ZNF236: variants seen among roughly 807,000 people sequenced by gnomAD.
The protein encoded by ZNF236 is zinc finger protein 236.
In ZNF236, 50 loss-of-function variants were observed where a neutral mutation model predicts 191.2. The ratio of observed to expected loss-of-function variants is 0.26; its 90% confidence interval spans 0.21 to 0.33. The LOEUF (loss-of-function observed/expected upper bound fraction) is 0.33. Among genes scored for constraint, ZNF236 ranks in the 10% least tolerant of loss-of-function variants. The pLI is 1.00. For missense variants in ZNF236, 1,754 were observed against 2,374.5 expected (o/e 0.74, Z 5.43); for synonymous variants, 907 against 928.8 (o/e 0.98, Z 0.43).
At chr18:76,928,154 A>C (rs780624140) in intron 25 of ZNF236, 48 bp downstream of exon 25, 2 of 1,461,450 alleles carry the variant, frequency 1.4e-6, no homozygotes, top group Admixed American at 2.1e-5. Context: ...CAATTTAAGT[A>C]CTGTATATCT....
rs536021175 is a variant in ZNF236, at chr18:76,874,009, C to T, written c.668-1483C>T. ...AGTGCTGTGACTGGGCCACACTCAC[C>T]GTGCCTCCTGCCTGCCTGTCCTCCT... is the stretch of plus-strand genomic sequence containing the variant. On this transcript the variant is annotated intron_variant, in intron 5 of 30. Coordinates refer to ENST00000320610, the MANE Select transcript of ZNF236 (RefSeq NM_001306089.2). 9.0e-4 allele frequency among the ~76,000 whole-genome samples: 133 copies of T among 148,360 alleles called. 1 individual carries two copies. In the Middle Eastern group the frequency reaches 0.011, roughly 12 times the overall value.
rs531095111 is a variant in ZNF236 at position 76,970,858 on chromosome 18, G to A, written c.*2519G>A. Reference sequence around the variant, plus strand: ...CTTTACCTCTGTGAAGTTCAGAGGCGTTTACCCCTGCAGTGTCCACTGGAA... The same window carrying A: ...CTTTACCTCTGTGAAGTTCAGAGGCATTTACCCCTGCAGTGTCCACTGGAA... On this transcript the variant is annotated 3_prime_UTR_variant, in exon 31 of 31. Transcript: ENST00000320610. 2 of 152,242 alleles carry A rather than the reference G, an allele frequency of 1.3e-5. No individual in the cohort carries two copies. The highest frequency in any genetic ancestry group is 1.9e-4 in the East Asian group (1 of 5,204). The allele number at this position is 152,242 out of a possible 1,614,324, so 9.4% of individuals were successfully genotyped here.
At chr18:76,828,210 A>T (rs1050157127) in intron 1 of ZNF236, among the ~76,000 whole-genome samples, 1 of 150,038 alleles carries the variant, frequency 6.7e-6, no homozygotes, top group Admixed American at 6.7e-5. Context: ...TCTCTCACCC[A>T]GGCTGGAGTG....
In ZNF236 at chr18:76,875,628, G is replaced by A. The variant is rs768355909; in HGVS notation, c.804G>A (p.Gly268=). 1.9e-6 allele frequency: 3 copies of A among 1,599,634 alleles called. No homozygotes were observed. The East Asian group carries it at 6.8e-5, about 36-fold the overall frequency. Residue 268 remains glycine, a synonymous_variant, in exon 6 of 31, where the codon GGG becomes GGA. Transcript: ENST00000320610. The surrounding 1 kb of genome is among the most constrained non-coding windows in gnomAD (Gnocchi z 4.3). ...GTCCTGCCGCCTTCTCTCAGAAAGG[G>A]AATCTTCAGTCGCACGTGCAGCGAG... The part of the protein sequence containing the change: ...AFCPAAFSQK[G]NLQSHVQRVH...
rs1968858091 is a variant in ZNF236 at position 76,969,158 on chromosome 18, C to T, written c.*819C>T. ...TCTGCAAGGAGCAAGCAACGGTGGC[C>T]CTGTCCACCCCAGCAAATAAGAAGC... On this transcript the variant is annotated 3_prime_UTR_variant, in exon 31 of 31. Coordinates refer to ENST00000320610, the MANE Select transcript of ZNF236 (RefSeq NM_001306089.2). 1 of 184,672 alleles carries T rather than the reference C, an allele frequency of 5.4e-6. No homozygotes were observed. Among genetic ancestry groups the T allele is most frequent in the Non-Finnish European group, 1.0e-5 (1 of 97,340 alleles). 11.4% of individuals were successfully genotyped at this position (184,672 alleles called of 1,614,324 possible). A position where few individuals can be genotyped will look rare whatever the true frequency, so the allele number is the denominator to read the frequency against.
chr18:76,910,537 C>T (rs1317055357), intron 15 of ZNF236, 123 bp from the exon 16 acceptor site: 1 of 985,048 alleles, frequency 1.0e-6, no homozygotes, highest in Non-Finnish European at 1.5e-6. Flanking sequence ...GCAGCTAGTC[C>T]TAATTCTAAT....
At chr18:76,913,474 CT>C (rs1277415379) in intron 17 of ZNF236, among the ~76,000 whole-genome samples, 2 of 152,148 alleles carry the variant, frequency 1.3e-5, no homozygotes, top group Non-Finnish European at 2.9e-5. Context: ...ATTATGTCTG[CT>C]GGGGAGTTAT....
intron 1 of ZNF236, among the ~76,000 whole-genome samples, chr18:76,833,035 T>C (rs1450332608): frequency 6.6e-6 from 1 of 152,232 alleles, no homozygotes; most frequent in Admixed American, 6.5e-5. Context: ...TTCATAGAAA[T>C]ACAATTGGTT....
intron 1 of ZNF236, among the ~76,000 whole-genome samples, chr18:76,835,521 C>CTT (rs34652083): frequency 0.44 from 67,326 of 151,736 alleles, 15,175 homozygotes; most frequent in East Asian, 0.53. Flanking sequence ...TATAGTAACT[C>CTT]TTATCATTAT....
intron 2 of ZNF236, among the ~76,000 whole-genome samples, chr18:76,851,001 A>G (rs987814690): frequency 3.3e-5 from 5 of 150,550 alleles, no homozygotes; most frequent in Admixed American, 1.3e-4. Flanking sequence ...CTACAATCCA[A>G]TGAATTTATA....
intron 26 of ZNF236, among the ~76,000 whole-genome samples, chr18:76,945,172 G>C (rs1968228110): frequency 6.6e-6 from 1 of 152,098 alleles, no homozygotes; most frequent in Non-Finnish European, 1.5e-5. Flanking sequence ...TTTTTCCCTT[G>C]ATATACCTAT....
At position 76,919,214 on chromosome 18, in the gene ZNF236, G is replaced by T. The variant is rs1222857280; in HGVS notation, c.3275-562G>T. 6.6e-6 allele frequency among the ~76,000 whole-genome samples: 1 copy of T among 152,144 alleles called. No homozygotes were observed. The highest frequency in any genetic ancestry group is 1.9e-4 in the East Asian group (1 of 5,196). On this transcript the variant is annotated intron_variant, in intron 19 of 30. Transcript: ENST00000320610. This position sits in a 1 kb window ranked among gnomAD's most constrained non-coding sequence, Gnocchi z 5.3. ...AATTTTCAGGGAGGTGTAGAAGCAG[G>T]TCTTTAATCTGAGCGTCTTCCTAAT...
intron 1 of ZNF236, among the ~76,000 whole-genome samples, chr18:76,825,607 TTAAC>T (rs1362623594): frequency 1.4e-5 from 2 of 140,682 alleles, no homozygotes; most frequent in Admixed American, 7.3e-5. Context: ...AAAACCATTC[TTAAC>T]TATTTTTGGG....
intron 3 of ZNF236, among the ~76,000 whole-genome samples, chr18:76,856,534 T>C (rs1488031888): frequency 6.6e-6 from 1 of 152,246 alleles, no homozygotes; most frequent in Admixed American, 6.5e-5. Context: ...TCCAATCTGG[T>C]AATTTAAAGA....
At chr18:76,850,191 G>T (rs1975817306) in intron 2 of ZNF236, among the ~76,000 whole-genome samples, 1 of 152,200 alleles carries the variant, frequency 6.6e-6, no homozygotes, top group Admixed American at 6.5e-5. Flanking sequence ...TTTCCTGATA[G>T]ATGGAAAGTG....
intron 26 of ZNF236, among the ~76,000 whole-genome samples, chr18:76,938,275 A>C (rs966357964): frequency 1.3e-5 from 2 of 152,076 alleles, no homozygotes; most frequent in Admixed American, 1.3e-4. Context: ...CTGTAGTACT[A>C]GGTACTCCGG....
intron 1 of ZNF236, among the ~76,000 whole-genome samples, chr18:76,830,595 C>T (rs1385035274): frequency 6.6e-6 from 1 of 151,814 alleles, no homozygotes; most frequent in Non-Finnish European, 1.5e-5. Flanking sequence ...TGTCTTGGGC[C>T]ATACATAAAA....
chr18:76,948,631 C>G (rs1968328450), intron 27 of ZNF236, among the ~76,000 whole-genome samples: 1 of 152,248 alleles, frequency 6.6e-6, no homozygotes, highest in Non-Finnish European at 1.5e-5. Context: ...TTCCCAGTGT[C>G]TGCTCCAGTG....
chr18:76,922,501 G>A (rs1016137351), intron 20 of ZNF236, among the ~76,000 whole-genome samples: 4 of 151,320 alleles, frequency 2.6e-5, no homozygotes, highest in Admixed American at 6.6e-5. Flanking sequence ...CTCTGATATC[G>A]TTTGGGTTTT....
Sources: allele counts gnomAD v4.1 joint callset (sites outside exome capture counted in the v4.1 genomes callset), GRCh38; gene constraint gnomAD v4.1.1; non-coding constraint Gnocchi (gnomAD v3.1); transcripts MANE v1.5; gene names NCBI Gene and HGNC (gene_info 2026-07-23, HGNC 2026-07-21).